THEMIS: variants seen among roughly 807,000 people sequenced by gnomAD.
THEMIS encodes the protein protein THEMIS.
Under a neutral mutation model 52.6 loss-of-function variants are expected in THEMIS, and 37 were observed. The ratio of observed to expected loss-of-function variants is 0.70; its 90% confidence interval spans 0.54 to 0.93. The LOEUF is 0.93. Among genes scored for constraint, THEMIS ranks in the 40% least tolerant of loss-of-function variants. THEMIS has a pLI of 0.00. For synonymous variants in THEMIS, 292 were observed against 272.7 expected, an observed-to-expected ratio of 1.07 and a Z score of -0.70; for missense variants, 808 against 763.1, an observed-to-expected ratio of 1.06 and a Z score of -0.69.
intron 4 of THEMIS, among the ~76,000 whole-genome samples, chr6:127,809,503 A>G (rs1344117383): frequency 6.6e-6 from 1 of 152,158 alleles, no homozygotes; most frequent in Non-Finnish European, 1.5e-5. Context: ...ATACAGGTGA[A>G]TTGTAGCATC....
intron 4 of THEMIS, among the ~76,000 whole-genome samples, chr6:127,793,115 TA>T (rs1777213125): frequency 6.6e-6 from 1 of 152,204 alleles, no homozygotes; most frequent in African/African-American, 2.4e-5. Flanking sequence ...CAAATTGAGT[TA>T]GTTTCAGGAA....
chr6:127,895,260 A>G (rs1780929316), intron 1 of THEMIS, among the ~76,000 whole-genome samples: 1 of 151,416 alleles, frequency 6.6e-6, no homozygotes, highest in Non-Finnish European at 1.5e-5. Context: ...TATGACTAGG[A>G]ATAAGACAAG....
chr6:127,868,488 T>C (rs1366957656), intron 1 of THEMIS: 1 of 985,404 alleles, frequency 1.0e-6, no homozygotes, highest in Non-Finnish European at 1.2e-6. Context: ...CTTCCACAAA[T>C]GAACTCTGGT....
chr6:127,885,713 C>G (rs985057410), intron 1 of THEMIS, among the ~76,000 whole-genome samples: 2 of 151,864 alleles, frequency 1.3e-5, no homozygotes, highest in East Asian at 3.9e-4. Flanking sequence ...AATCTTAACT[C>G]TGAAGAAGGG....
intron 1 of THEMIS, among the ~76,000 whole-genome samples, chr6:127,867,975 T>G (rs1780035944): frequency 6.6e-6 from 1 of 152,006 alleles, no homozygotes; most frequent in Non-Finnish European, 1.5e-5. Context: ...CCTAGGCATT[T>G]AACTAGTTAA....
intron 3 of THEMIS, among the ~76,000 whole-genome samples, chr6:127,818,754 T>C (rs2114625531): frequency 6.6e-6 from 1 of 151,742 alleles, no homozygotes; most frequent in Non-Finnish European, 1.5e-5. Flanking sequence ...GGGGACAACA[T>C]GTAGGGAAAG....
chr6:127,743,373 T>C (rs1583222239), intron 4 of THEMIS, among the ~76,000 whole-genome samples: 1 of 152,248 alleles, frequency 6.6e-6, no homozygotes, highest in East Asian at 1.9e-4. Context: ...AAAAGTCTGC[T>C]TGACATTCAG....
intron 3 of THEMIS, among the ~76,000 whole-genome samples, chr6:127,815,062 G>T (rs568041901): frequency 6.6e-6 from 1 of 152,116 alleles, no homozygotes; most frequent in African/African-American, 2.4e-5. Context: ...GAGGTGGGAA[G>T]ATCGCTTGAG....
intron 4 of THEMIS, among the ~76,000 whole-genome samples, chr6:127,785,021 TCTAC>T (rs1194817167): frequency 5.4e-5 from 8 of 148,660 alleles, no homozygotes; most frequent in African/African-American, 2.0e-4. Context: ...TATCTATCTA[TCTAC>T]CTATCAATAT....
chr6:127,750,954 A>G (rs1377837129), intron 4 of THEMIS, among the ~76,000 whole-genome samples: 1 of 151,768 alleles, frequency 6.6e-6, no homozygotes, highest in Non-Finnish European at 1.5e-5. Flanking sequence ...TCGACCTTAC[A>G]AGACATACTG....
the THEMIS span, among the ~76,000 whole-genome samples, chr6:127,697,189 T>G: frequency 6.6e-6 from 1 of 152,206 alleles, no homozygotes; most frequent in South Asian, 2.1e-4. Flanking sequence ...TATTCTTTAT[T>G]ATAGTCAATG....
At chr6:127,830,323 GC>G (rs1051974190) in intron 2 of THEMIS, among the ~76,000 whole-genome samples, 1 of 152,140 alleles carries the variant, frequency 6.6e-6, no homozygotes, top group Admixed American at 6.5e-5. Flanking sequence ...GATTTGGTCA[GC>G]TTTTTTATGA....
chr6:127,840,900 A>G (rs1779024943), intron 2 of THEMIS, among the ~76,000 whole-genome samples: 1 of 152,078 alleles, frequency 6.6e-6, no homozygotes, highest in Non-Finnish European at 1.5e-5. Context: ...AAAAAGGCAA[A>G]ATATGGAGAC....
intron 4 of THEMIS, among the ~76,000 whole-genome samples, chr6:127,745,761 A>G (rs542090846): frequency 2.0e-4 from 30 of 151,898 alleles, no homozygotes; most frequent in Non-Finnish European, 2.7e-4. Context: ...ATTGTGGAAC[A>G]CAGATAATTA....
At chr6:127,899,501 C>T (rs1484495853) in intron 1 of THEMIS, among the ~76,000 whole-genome samples, 1 of 151,614 alleles carries the variant, frequency 6.6e-6, no homozygotes, top group South Asian at 2.1e-4. Flanking sequence ...AAATCAATGG[C>T]GGAAAGATTG....
intron 4 of THEMIS, among the ~76,000 whole-genome samples, chr6:127,809,850 C>T (rs563268548): frequency 8.0e-5 from 12 of 149,602 alleles, no homozygotes; most frequent in Non-Finnish European, 1.6e-4. Flanking sequence ...CATCTAGTAT[C>T]AAGTCTTCCA....
intron 1 of THEMIS, among the ~76,000 whole-genome samples, chr6:127,867,994 G>T (rs1780036467): frequency 6.6e-6 from 1 of 151,922 alleles, no homozygotes; most frequent in Non-Finnish European, 1.5e-5. Context: ...AAAAGTCACA[G>T]ATGAGAATGC....
intron 2 of THEMIS, among the ~76,000 whole-genome samples, chr6:127,846,825 G>A (rs959036960): frequency 6.6e-6 from 1 of 150,894 alleles, no homozygotes; most frequent in Non-Finnish European, 1.5e-5. Flanking sequence ...ACCAGGAAAG[G>A]CCTTAACAAA....
intron 4 of THEMIS, among the ~76,000 whole-genome samples, chr6:127,724,842 CA>C (rs1774485036): frequency 6.6e-6 from 1 of 151,752 alleles, no homozygotes; most frequent in Non-Finnish European, 1.5e-5. Flanking sequence ...CCAAGATGTC[CA>C]CAAAAAAAAA....
Sources: gnomAD v4.1 joint callset for allele counts (sites outside exome capture counted in the v4.1 genomes callset) on GRCh38, gnomAD v4.1.1 for gene constraint, MANE v1.5 for transcripts, NCBI Gene and HGNC (gene_info 2026-07-23, HGNC 2026-07-21) for gene names.